The following GARRE1 variants were observed in gnomAD, a reference collection of about 807,000 sequenced individuals.
GARRE1 encodes the protein granule associated Rac and RHOG effector protein 1.
GARRE1 carries 49 observed loss-of-function variants against 103.2 expected under a neutral mutation model. The ratio of observed to expected loss-of-function variants is 0.47; its 90% confidence interval spans 0.38 to 0.60. The LOEUF (loss-of-function observed/expected upper bound fraction) is 0.60. GARRE1 is among the 20% of genes least tolerant of loss of function. The pLI is 0.00. For synonymous variants in GARRE1, 505 were observed against 532.8 expected, an observed-to-expected ratio of 0.95 and a Z score of 0.72; for missense variants, 1,199 against 1,370.5, an observed-to-expected ratio of 0.87 and a Z score of 1.98.
At chr19:34,344,994 A>G (rs1320523372) in intron 10 of GARRE1, among the ~76,000 whole-genome samples, 2 of 152,162 alleles carry the variant, frequency 1.3e-5, no homozygotes, top group African/African-American at 4.8e-5. Context: ...GCACGCTACC[A>G]TGCCCAACTA....
At chr19:34,337,676 T>G (rs1400062144) in intron 8 of GARRE1, among the ~76,000 whole-genome samples, 2 of 152,242 alleles carry the variant, frequency 1.3e-5, no homozygotes, top group Non-Finnish European at 2.9e-5. Context: ...CTTGGTGATT[T>G]GTCAACAGAA....
intron 1 of GARRE1, among the ~76,000 whole-genome samples, chr19:34,297,999 AATTATGGTAATTGGCC>A (rs2073956126): frequency 6.6e-6 from 1 of 152,234 alleles, no homozygotes; most frequent in South Asian, 2.1e-4. Flanking sequence ...AATACAAAGG[AATTATGGTAATTGGCC>A]ATAAGTGACG....
rs1341957054 is a variant in GARRE1 at position 34,354,726 on chromosome 19, A to G, written c.*1771A>G. On this transcript the variant is annotated 3_prime_UTR_variant, in exon 14 of 14. Coordinates refer to ENST00000299505, the MANE Select transcript of GARRE1 (RefSeq NM_014686.5). ...TATGTATGTATGTATGTATGTAAAC[A>G]CACACACTAATTTGAGAGGACCCGT... 12 of 152,506 alleles carry G rather than the reference A, an allele frequency of 7.9e-5. No homozygotes were observed. Among genetic ancestry groups the G allele is most frequent in the Admixed American group, 5.9e-4 (9 of 15,252 alleles). 9.4% of individuals were successfully genotyped at this position (152,506 alleles called of 1,614,324 possible). A position where few individuals can be genotyped will look rare whatever the true frequency, so the allele number is the denominator to read the frequency against.
intron 10 of GARRE1, among the ~76,000 whole-genome samples, chr19:34,344,873 A>G (rs1218429714): frequency 2.1e-5 from 3 of 142,832 alleles, no homozygotes; most frequent in Non-Finnish European, 3.0e-5. Context: ...GTCTCGCTCT[A>G]CCGCCCCGAG....
intron 1 of GARRE1, among the ~76,000 whole-genome samples, chr19:34,263,893 C>T (rs997543431): frequency 5.9e-5 from 9 of 152,130 alleles, no homozygotes; most frequent in Admixed American, 3.9e-4. Flanking sequence ...CTGTGCAAGG[C>T]GGCTTGGGTT....
At chr19:34,290,997 C>T (rs950034873) in intron 1 of GARRE1, among the ~76,000 whole-genome samples, 1 of 144,366 alleles carries the variant, frequency 6.9e-6, no homozygotes, top group Non-Finnish European at 1.5e-5. Flanking sequence ...ACCTCCGCCT[C>T]CCAGGTTCAA....
chr19:34,347,090 ATT>A (rs1191719586), intron 10 of GARRE1, among the ~76,000 whole-genome samples: 16 of 137,970 alleles, frequency 1.2e-4, no homozygotes, highest in Non-Finnish European at 1.4e-4. Flanking sequence ...CACCCAACTA[ATT>A]TTTTTTTTTT....
chr19:34,335,950 T>C (rs1430941322), intron 8 of GARRE1, among the ~76,000 whole-genome samples: 2 of 152,148 alleles, frequency 1.3e-5, no homozygotes, highest in Non-Finnish European at 2.9e-5. Flanking sequence ...CTATAAGTAC[T>C]CTGCCACCAA....
chr19:34,314,913 C>T (rs1483161830), intron 2 of GARRE1, among the ~76,000 whole-genome samples: 1 of 152,118 alleles, frequency 6.6e-6, no homozygotes, highest in Non-Finnish European at 1.5e-5. Context: ...TGGTGTGTAG[C>T]TCATTATGTA....
At chr19:34,320,924 G>GGTTTGGGT (rs2074084949) in intron 3 of GARRE1, among the ~76,000 whole-genome samples, 1 of 98,706 alleles carries the variant, frequency 1.0e-5, no homozygotes, top group African/African-American at 4.1e-5. Flanking sequence ...TTTTTTTTTT[G>GGTTTGGGT]GTAGAGATGA....
chr19:34,290,723 A>G (rs947218731), intron 1 of GARRE1, among the ~76,000 whole-genome samples: 1 of 151,970 alleles, frequency 6.6e-6, no homozygotes, highest in African/African-American at 2.4e-5. Flanking sequence ...TCCTGGCCTC[A>G]AATGATCTTT....
At position 34,327,573 on chromosome 19, in the gene GARRE1, A is replaced by G; in HGVS notation, c.846+12A>G. Reference sequence around the variant, plus strand: ...ACAGTGCTTTGCAAGTAAGTTTTTCAGAACTGACATACTGATTTCCACGGG... The same window carrying G: ...ACAGTGCTTTGCAAGTAAGTTTTTCGGAACTGACATACTGATTTCCACGGG... On this transcript the variant is annotated intron_variant, in intron 4 of 13. Transcript: ENST00000299505. 6.2e-6 allele frequency: 10 copies of G among 1,612,948 alleles called. No homozygotes were observed. Among genetic ancestry groups the G allele is most frequent in the Non-Finnish European group, 8.5e-6 (10 of 1,179,616 alleles).
chr19:34,274,370 A>C (rs568979398), intron 1 of GARRE1, among the ~76,000 whole-genome samples: 24 of 152,138 alleles, frequency 1.6e-4, no homozygotes, highest in Non-Finnish European at 2.4e-4. Flanking sequence ...GCACCATTGC[A>C]CTCCAGTCTG....
Position 34,341,488 on chromosome 19 carries a change from T to C in GARRE1, c.1554T>C (p.Ala518=). 1 of 1,614,110 alleles carries C rather than the reference T, an allele frequency of 6.2e-7. No individual in the cohort carries two copies. The highest frequency in any genetic ancestry group is 1.1e-5 in the South Asian group (1 of 91,082). Residue 518 remains alanine, a synonymous_variant, in exon 10 of 14, where the codon GCT becomes GCC. Coordinates refer to ENST00000299505, the MANE Select transcript of GARRE1 (RefSeq NM_014686.5). The part of the protein sequence containing the change: ...QREICDFGNQ[A]DLPSGNGNKS... ...AGATCTGTGATTTTGGCAACCAGGC[T>C]GACCTGCCTTCTGGAAATGGAAACA...
chr19:34,257,113 A>G (rs772521635), intron 1 of GARRE1, among the ~76,000 whole-genome samples: 13 of 152,060 alleles, frequency 8.5e-5, no homozygotes, highest in Non-Finnish European at 1.2e-4. Context: ...TAGATTTTTC[A>G]ATCTAAAATT....
chr19:34,310,260 G>C (rs1275652377), intron 2 of GARRE1, among the ~76,000 whole-genome samples: 2 of 152,220 alleles, frequency 1.3e-5, no homozygotes, highest in African/African-American at 2.4e-5. Flanking sequence ...ATAATGGCCT[G>C]TTCTGGCAGC....
At chr19:34,335,616 C>T (rs2074157642) in intron 8 of GARRE1, among the ~76,000 whole-genome samples, 1 of 152,192 alleles carries the variant, frequency 6.6e-6, no homozygotes, top group Admixed American at 6.5e-5. Flanking sequence ...GCCTCTTCCG[C>T]CTGGGTTCCA....
intron 1 of GARRE1, among the ~76,000 whole-genome samples, chr19:34,289,173 G>T (rs552293433): frequency 6.6e-6 from 1 of 151,876 alleles, no homozygotes; most frequent in African/African-American, 2.4e-5. Context: ...GGCGGCTCAC[G>T]CCTATAATCC....
At position 34,300,439 on chromosome 19, in the gene GARRE1, C is replaced by T. The variant is rs779758980; in HGVS notation, c.-35C>T. 2.0e-6 allele frequency: 3 copies of T among 1,515,982 alleles called. No individual in the cohort carries two copies. The highest frequency in any genetic ancestry group is 2.7e-6 in the Non-Finnish European group (3 of 1,130,446). The allele number at this position is 1,515,982 out of a possible 1,614,324, so 93.9% of individuals were successfully genotyped here. ...GAGAAAGAAGAATCAGAACCCTGAC[C>T]CACTTACGGTTGCTGGGACAATTCC... On this transcript the variant is annotated 5_prime_UTR_variant, in exon 2 of 14. Transcript: ENST00000299505.
Sources: gnomAD v4.1 joint callset for allele counts (sites outside exome capture counted in the v4.1 genomes callset) on GRCh38, gnomAD v4.1.1 for gene constraint, MANE v1.5 for transcripts, NCBI Gene and HGNC (gene_info 2026-07-23, HGNC 2026-07-21) for gene names.